SLC16A12: variants seen among roughly 807,000 people sequenced by gnomAD.
The protein encoded by SLC16A12 is solute carrier family 16 member 12.
In SLC16A12, 17 loss-of-function variants were observed where a neutral mutation model predicts 42.4. The observed-to-expected ratio is 0.40, with a 90% CI of 0.27 to 0.60. SLC16A12 has a LOEUF of 0.60. SLC16A12 is among the 20% of genes least tolerant of loss of function. The pLI, the probability that SLC16A12 is intolerant of heterozygous loss-of-function variation, is 0.42. For missense variants in SLC16A12, 544 were observed against 623.0 expected, an observed-to-expected ratio of 0.87 and a Z score of 1.35; for synonymous variants, 224 against 229.4, an observed-to-expected ratio of 0.98 and a Z score of 0.21.
At position 89,492,775 on chromosome 10, in the gene SLC16A12, C is replaced by G. The variant is rs529642054; in HGVS notation, c.-46-30151G>C. ...TACTCTTTCTAAGACTCAGACCAAT[C>G]TAGTATGAAAGGTAGAGAAGGTTAA... On this transcript the variant is annotated intron_variant, in intron 2 of 7. Coordinates refer to ENST00000371790, the MANE Select transcript of SLC16A12 (RefSeq NM_213606.4). 5.9e-5 allele frequency among the ~76,000 whole-genome samples: 9 copies of G among 151,928 alleles called. No homozygotes were observed. In the South Asian group the frequency reaches 1.9e-3, roughly 32 times the overall value.
chr10:89,521,393 G>A (rs961420864), intron 2 of SLC16A12, among the ~76,000 whole-genome samples: 1 of 152,182 alleles, frequency 6.6e-6, no homozygotes, highest in Non-Finnish European at 1.5e-5. Flanking sequence ...TCATATGTGG[G>A]GCTTTCTAAG....
chr10:89,516,587 G>A (rs1215714947), intron 2 of SLC16A12, among the ~76,000 whole-genome samples: 3 of 152,168 alleles, frequency 2.0e-5, no homozygotes, highest in Non-Finnish European at 4.4e-5. Context: ...GCTGAATTAA[G>A]CTGGAAAGTG....
intron 4 of SLC16A12, 120 bp from the exon 5 acceptor site, chr10:89,441,371 G>GCC: frequency 8.0e-7 from 1 of 1,255,498 alleles, no homozygotes; most frequent in South Asian, 1.3e-5. Context: ...TATTAATTCT[G>GCC]CAGCTTTGGA....
chr10:89,551,109 A>G (rs1176002240), intron 2 of SLC16A12, among the ~76,000 whole-genome samples: 2 of 151,834 alleles, frequency 1.3e-5, no homozygotes, highest in Non-Finnish European at 2.9e-5. Flanking sequence ...CTGGAATTAA[A>G]CTCTGTTCCA....
Position 89,431,353 on chromosome 10 carries a change from TAAAC to T in SLC16A12, c.*1707_*1710del, listed in dbSNP as rs1196486954. 3 of 152,220 alleles carry T rather than the reference TAAAC, an allele frequency of 2.0e-5. No homozygotes were observed. Among genetic ancestry groups the T allele is most frequent in the African/African-American group, 7.2e-5 (3 of 41,432 alleles). 9.4% of individuals were successfully genotyped at this position (152,220 alleles called of 1,614,324 possible). The stretch of plus-strand genomic sequence containing the variant: ...TCAATGGGGTTCAAAACTAAATTCT[TAAAC>T]TAAGTAAGGAGATAACAGACAACAT... On this transcript the variant is annotated 3_prime_UTR_variant, in exon 8 of 8. Transcript: ENST00000371790.
intron 2 of SLC16A12, among the ~76,000 whole-genome samples, chr10:89,505,865 G>C (rs1213875437): frequency 6.6e-6 from 1 of 152,226 alleles, no homozygotes; most frequent in Non-Finnish European, 1.5e-5. Flanking sequence ...GCAGCAGTCT[G>C]AGATCGACTT....
At chr10:89,510,256 T>A (rs1326080354) in intron 2 of SLC16A12, among the ~76,000 whole-genome samples, 2 of 152,036 alleles carry the variant, frequency 1.3e-5, no homozygotes, top group Non-Finnish European at 2.9e-5. Flanking sequence ...TATGGAACCA[T>A]AAAAGAGCCT....
At chr10:89,469,255 TTC>T (rs1035736564) in intron 2 of SLC16A12, among the ~76,000 whole-genome samples, 2 of 152,220 alleles carry the variant, frequency 1.3e-5, no homozygotes, top group African/African-American at 4.8e-5. Flanking sequence ...CGGAAAAATT[TTC>T]TGAGATGAAA....
chr10:89,436,208 A>G lies in SLC16A12; in HGVS notation c.1140T>C (p.Ser380=), dbSNP rs1160590890. The stretch of plus-strand genomic sequence containing the variant: ...CACCATCAAAGTAGCCAAAGGTACA[A>G]GAGAAAGGCACGAGCAGAGGGAGAC... ...LQSLPLLVPF[S]CTFGYFDGAY... is the part of the protein sequence containing the mutation. Residue 380 remains serine, a synonymous_variant, in exon 7 of 8, where the codon TCT becomes TCC. Transcript: ENST00000371790. 6.2e-7 allele frequency: 1 copy of G among 1,614,186 alleles called. No homozygotes were observed. The highest frequency in any genetic ancestry group is 8.5e-7 in the Non-Finnish European group (1 of 1,180,018).
intron 2 of SLC16A12, chr10:89,555,807 T>C (rs1024762798): frequency 6.6e-6 from 1 of 150,660 alleles, no homozygotes; most frequent in Non-Finnish European, 1.5e-5. Context: ...AAAAATCAAG[T>C]TTCTGAATTG....
intron 6 of SLC16A12, 33 bp downstream of exon 6, chr10:89,438,571 G>A: frequency 2.5e-6 from 4 of 1,592,976 alleles, no homozygotes; most frequent in East Asian, 2.2e-5. Flanking sequence ...AAGTCCCCTG[G>A]TGGGGAACCA....
chr10:89,443,680 A>T (rs1419385110), intron 4 of SLC16A12, 76 bp downstream of exon 4: 10 of 1,069,982 alleles, frequency 9.3e-6, no homozygotes. Flanking sequence ...ACTAGTAATC[A>T]AAGTCAGTGG....
intron 2 of SLC16A12, among the ~76,000 whole-genome samples, chr10:89,514,038 A>G (rs1437812270): frequency 1.3e-5 from 2 of 152,216 alleles, no homozygotes; most frequent in Non-Finnish European, 2.9e-5. Context: ...GATAACTGAA[A>G]TCCTAAAGAG....
intron 2 of SLC16A12, among the ~76,000 whole-genome samples, chr10:89,487,646 CAA>C (rs761297191): frequency 1.3e-4 from 14 of 106,316 alleles, no homozygotes; most frequent in Non-Finnish European, 1.5e-4. Context: ...ACTAAAAATA[CAA>C]AAAAAAAAAA....
chr10:89,503,280 T>C (rs1178445977), intron 2 of SLC16A12, among the ~76,000 whole-genome samples: 13 of 152,202 alleles, frequency 8.5e-5, no homozygotes, highest in Admixed American at 7.2e-4. Context: ...CATGTAAACA[T>C]AGGCCTTGTT....
intron 2 of SLC16A12, among the ~76,000 whole-genome samples, chr10:89,502,305 C>T (rs1843000863): frequency 6.6e-6 from 1 of 151,982 alleles, no homozygotes; most frequent in Non-Finnish European, 1.5e-5. Flanking sequence ...AAAAAATTAG[C>T]CAGGCATGGT....
intron 3 of SLC16A12, among the ~76,000 whole-genome samples, chr10:89,452,400 G>A (rs1409976331): frequency 2.0e-5 from 3 of 152,090 alleles, no homozygotes; most frequent in African/African-American, 7.2e-5. Flanking sequence ...AGCTGACATT[G>A]CATAACATAA....
At chr10:89,545,635 C>T (rs559801172) in intron 2 of SLC16A12, among the ~76,000 whole-genome samples, 1 of 152,248 alleles carries the variant, frequency 6.6e-6, no homozygotes, top group African/African-American at 2.4e-5. Flanking sequence ...GGCCATACTG[C>T]CCAAAGTAAT....
intron 2 of SLC16A12, among the ~76,000 whole-genome samples, chr10:89,485,451 C>A (rs17122436): frequency 0.034 from 5,157 of 152,296 alleles, 285 homozygotes; most frequent in African/African-American, 0.11. Flanking sequence ...ACGGCTCATC[C>A]TGCTCCAGGT....
Sources: allele counts gnomAD v4.1 joint callset (sites outside exome capture counted in the v4.1 genomes callset), GRCh38; gene constraint gnomAD v4.1.1; transcripts MANE v1.5; gene names NCBI Gene and HGNC (gene_info 2026-07-23, HGNC 2026-07-21).